The following GUCY1B1 variants were observed in gnomAD, a reference collection of about 807,000 sequenced individuals.
GUCY1B1 encodes the protein guanylate cyclase soluble subunit beta-1.
GUCY1B1 carries 43 observed loss-of-function variants against 71.0 expected under a neutral mutation model. The ratio of observed to expected loss-of-function variants is 0.61; its 90% CI spans 0.47 to 0.78. The LOEUF (loss-of-function observed/expected upper bound fraction) is 0.78. Among genes scored for constraint, GUCY1B1 ranks in the 30% least tolerant of loss-of-function variants. GUCY1B1 has a pLI of 0.00. For synonymous variants in GUCY1B1, 266 were observed against 259.7 expected (o/e 1.02, Z -0.23); for missense variants, 535 against 754.1 (o/e 0.71, Z 3.40).
rs892893498 is a variant in GUCY1B1, at chr4:155,786,628, C to A, written c.298-3086C>A. On this transcript the variant is annotated intron_variant, in intron 4 of 13. Transcript: ENST00000264424. ...GGGATTACAGGCACCCACCGCCACA[C>A]CCTGCTAATTTCTTTTTTTTTCTCT... Among the ~76,000 whole-genome samples, 5 of 151,836 alleles carry A rather than the reference C, an allele frequency of 3.3e-5. No individual in the cohort carries two copies. In the South Asian group the frequency reaches 6.2e-4, roughly 19 times the overall value.
intron 1 of GUCY1B1, chr4:155,759,512 G>T (rs972806556): frequency 3.9e-6 from 2 of 512,812 alleles, no homozygotes; most frequent in East Asian, 3.4e-5. Flanking sequence ...CGCTGCCCCC[G>T]ATGCCCAGCC....
At chr4:155,785,856 G>C (rs1738726109) in intron 4 of GUCY1B1, among the ~76,000 whole-genome samples, 1 of 152,126 alleles carries the variant, frequency 6.6e-6, no homozygotes, top group African/African-American at 2.4e-5. Context: ...TGATTCAGGA[G>C]AGCACTTTAC....
intron 6 of GUCY1B1, among the ~76,000 whole-genome samples, chr4:155,795,093 A>G (rs1359351209): frequency 6.6e-6 from 1 of 152,116 alleles, no homozygotes. Flanking sequence ...GCTAGCTTAC[A>G]TTTGAATATT....
intron 2 of GUCY1B1, 70 bp from the exon 3 acceptor site, chr4:155,774,898 A>G (rs974513591): frequency 1.2e-6 from 1 of 864,244 alleles, no homozygotes; most frequent in Non-Finnish European, 1.9e-6. Flanking sequence ...TTATACAATT[A>G]TTATACTTAT....
chr4:155,767,973 T>C (rs1737451253), intron 2 of GUCY1B1, among the ~76,000 whole-genome samples: 1 of 152,156 alleles, frequency 6.6e-6, no homozygotes, highest in African/African-American at 2.4e-5. Flanking sequence ...GGATTTATTA[T>C]CAAAACGACA....
intron 3 of GUCY1B1, among the ~76,000 whole-genome samples, chr4:155,775,361 C>T (rs764395470): frequency 1.3e-5 from 2 of 152,146 alleles, no homozygotes; most frequent in Admixed American, 6.5e-5. Flanking sequence ...GGCCCAACTC[C>T]GGCTCACTGC....
At chr4:155,800,364 T>G (rs74503211) in intron 9 of GUCY1B1, among the ~76,000 whole-genome samples, 142 of 152,304 alleles carry the variant, frequency 9.3e-4, no homozygotes, top group African/African-American at 3.3e-3. Context: ...AGTTCAAAAA[T>G]TGAAGTTTAA....
At chr4:155,760,041 G>C (rs1489485276) in intron 2 of GUCY1B1, among the ~76,000 whole-genome samples, 181 bp downstream of exon 2, 1 of 152,108 alleles carries the variant, frequency 6.6e-6, no homozygotes, top group African/African-American at 2.4e-5. Context: ...GGAACCAGGA[G>C]GGGAGGGGCG....
At chr4:155,784,318 T>C (rs1233392497) in intron 4 of GUCY1B1, among the ~76,000 whole-genome samples, 1 of 152,158 alleles carries the variant, frequency 6.6e-6, no homozygotes, top group Non-Finnish European at 1.5e-5. Context: ...AGGAAAAGTA[T>C]TATGAAAGCA....
At chr4:155,792,095 A>G (rs540395216) in intron 5 of GUCY1B1, among the ~76,000 whole-genome samples, 6 of 152,294 alleles carry the variant, frequency 3.9e-5, no homozygotes, top group South Asian at 2.1e-4. Flanking sequence ...TTTGCATTTT[A>G]TAGGTATATT....
chr4:155,784,342 C>T (rs1009799740), intron 4 of GUCY1B1, among the ~76,000 whole-genome samples: 1 of 152,142 alleles, frequency 6.6e-6, no homozygotes, highest in African/African-American at 2.4e-5. Flanking sequence ...ACTTCCTACT[C>T]CAATCTCATG....
At chr4:155,790,007 G>A in intron 5 of GUCY1B1, 96 bp downstream of exon 5, 1 of 795,080 alleles carries the variant, frequency 1.3e-6, no homozygotes, top group Admixed American at 2.4e-5. Flanking sequence ...CACTGTTAGT[G>A]CTCTTCCCTG....
chr4:155,792,323 T>C (rs1037197512), intron 5 of GUCY1B1, among the ~76,000 whole-genome samples: 2 of 152,170 alleles, frequency 1.3e-5, no homozygotes, highest in Non-Finnish European at 1.5e-5. Context: ...GAATAATTAA[T>C]TCATAAGTTT....
intron 2 of GUCY1B1, among the ~76,000 whole-genome samples, chr4:155,770,773 G>A (rs757013623): frequency 2.0e-5 from 3 of 151,018 alleles, no homozygotes; most frequent in African/African-American, 4.9e-5. Context: ...TTGCTCCGGC[G>A]TCACTGTCCC....
chr4:155,762,939 C>G (rs1737096505), intron 2 of GUCY1B1, among the ~76,000 whole-genome samples: 1 of 152,098 alleles, frequency 6.6e-6, no homozygotes, highest in Non-Finnish European at 1.5e-5. Context: ...CAAAAGAGAC[C>G]TCTGAATCCA....
Position 155,800,012 on chromosome 4 carries a change from C to T in GUCY1B1, c.1113C>T (p.Ile371=), listed in dbSNP as rs1245205744. The T allele has an allele frequency of 1.2e-6, 2 of 1,613,664 alleles. No individual in the cohort carries two copies. Among genetic ancestry groups the T allele is most frequent in the East Asian group, 4.5e-5 (2 of 44,870 alleles). ...EEYKLTQELE[I]LTDRLQLTLR... ...ACAAACTCACCCAAGAACTGGAAAT[C>T]CTCACTGACAGGCTACAGCTCACGT... Residue 371 remains isoleucine, a synonymous_variant, in exon 9 of 14, where the codon ATC becomes ATT. Coordinates refer to ENST00000264424, the MANE Select transcript of GUCY1B1 (RefSeq NM_000857.5).
intron 13 of GUCY1B1, 117 bp downstream of exon 13, chr4:155,805,346 A>T: frequency 1.2e-6 from 1 of 853,670 alleles, no homozygotes; most frequent in South Asian, 1.9e-5. Context: ...ACAGAAATTA[A>T]CTTCTAAGTA....
intron 13 of GUCY1B1, among the ~76,000 whole-genome samples, 161 bp from the exon 14 acceptor site, chr4:155,806,225 C>G (rs17033572): frequency 6.6e-6 from 1 of 151,952 alleles, no homozygotes; most frequent in Non-Finnish European, 1.5e-5. Flanking sequence ...TCATCTTAGT[C>G]GTGCGGTCCT....
rs117042839 is a variant in GUCY1B1 at position 155,782,959 on chromosome 4, G to A, written c.297+5317G>A. ...CCATCTTGGAAAACCAGCCTGCTCC[G>A]GCATTCTGATAATTTCAGCCCAGTT... On this transcript the variant is annotated intron_variant, in intron 4 of 13. Transcript: ENST00000264424. Among the ~76,000 whole-genome samples, 41 of 152,256 alleles carry A rather than the reference G, an allele frequency of 2.7e-4. No individual in the cohort carries two copies. In the East Asian group the frequency reaches 7.0e-3, roughly 26 times the overall value.
Sources: allele counts gnomAD v4.1 joint callset (sites outside exome capture counted in the v4.1 genomes callset), GRCh38; gene constraint gnomAD v4.1.1; transcripts MANE v1.5; gene names NCBI Gene and HGNC (gene_info 2026-07-23, HGNC 2026-07-21).